DOCK1: variants seen among roughly 807,000 people sequenced by gnomAD.
DOCK1 encodes dedicator of cytokinesis 1.
Under a neutral mutation model 262.7 loss-of-function variants are expected in DOCK1, and 138 were observed. That is an observed-to-expected ratio of 0.53 (90% CI 0.46 to 0.61). DOCK1 has a LOEUF of 0.61. Ranked by LOEUF, DOCK1 falls within the 20% of genes least tolerant of loss-of-function variation. The pLI, the probability that DOCK1 is intolerant of heterozygous loss-of-function variation, is 0.00. For synonymous variants in DOCK1, 866 were observed against 867.4 expected, an observed-to-expected ratio of 1.00 and a Z score of 0.03; for missense variants, 1,908 against 2,370.7, an observed-to-expected ratio of 0.80 and a Z score of 4.05.
intron 29 of DOCK1, among the ~76,000 whole-genome samples, chr10:127,313,136 AC>A (rs2062127596): frequency 6.6e-6 from 1 of 151,820 alleles, no homozygotes; most frequent in Admixed American, 6.6e-5. Flanking sequence ...CACTCCAAAC[AC>A]CAGCTACTCT....
intron 27 of DOCK1, among the ~76,000 whole-genome samples, chr10:127,247,028 T>C (rs769813932): frequency 7.9e-5 from 12 of 152,200 alleles, no homozygotes; most frequent in African/African-American, 2.2e-4. Flanking sequence ...TTTACAATGT[T>C]GTTAGCTACA....
chr10:126,939,296 C>T (rs2034814821), intron 1 of DOCK1, among the ~76,000 whole-genome samples: 1 of 152,162 alleles, frequency 6.6e-6, no homozygotes, highest in Non-Finnish European at 1.5e-5. Context: ...TATTGAGTTT[C>T]AACACATGAA....
intron 27 of DOCK1, among the ~76,000 whole-genome samples, chr10:127,186,107 A>G (rs1458106014): frequency 6.6e-6 from 1 of 152,156 alleles, no homozygotes; most frequent in Admixed American, 6.5e-5. Flanking sequence ...AGGATGAATC[A>G]CTGGCTTTCA....
chr10:127,120,984 C>G (rs1042969478), intron 25 of DOCK1, among the ~76,000 whole-genome samples: 13 of 152,128 alleles, frequency 8.5e-5, no homozygotes, highest in African/African-American at 2.9e-4. Context: ...AACAGCATCC[C>G]CATTTTGCAC....
At chr10:127,167,825 C>G (rs1318285188) in intron 27 of DOCK1, among the ~76,000 whole-genome samples, 1 of 151,914 alleles carries the variant, frequency 6.6e-6, no homozygotes, top group Non-Finnish European at 1.5e-5. Flanking sequence ...ACCCCCCATC[C>G]CCAAAATACA....
At chr10:127,234,835 A>G (rs1034127216) in intron 27 of DOCK1, among the ~76,000 whole-genome samples, 2 of 151,410 alleles carry the variant, frequency 1.3e-5, no homozygotes, top group South Asian at 4.2e-4. Flanking sequence ...GAATCCTTTC[A>G]AATACAACAT....
At chr10:127,391,453 T>C (rs1413283139) in intron 38 of DOCK1, among the ~76,000 whole-genome samples, 1 of 152,180 alleles carries the variant, frequency 6.6e-6, no homozygotes, top group East Asian at 1.9e-4. Context: ...AGTTTTCCGA[T>C]ACCTATTTTA....
intron 27 of DOCK1, among the ~76,000 whole-genome samples, chr10:127,189,906 G>C (rs1270954582): frequency 6.6e-6 from 1 of 152,216 alleles, no homozygotes; most frequent in African/African-American, 2.4e-5. Context: ...GAGATCAATG[G>C]AGTTGAAGTC....
At chr10:127,066,220 C>G (rs1453727838) in intron 23 of DOCK1, among the ~76,000 whole-genome samples, 2 of 152,066 alleles carry the variant, frequency 1.3e-5, no homozygotes, top group Non-Finnish European at 2.9e-5. Context: ...GCCCCCGCCG[C>G]CCCCAGCTGC....
chr10:127,052,765 G>A lies in DOCK1; in HGVS notation c.2286G>A (p.Ala762=). Residue 762 remains alanine, a synonymous_variant, in exon 22 of 52, where the codon GCG becomes GCA. Coordinates refer to ENST00000623213, the MANE Select transcript of DOCK1 (RefSeq NM_001290223.2). ...AGCAGCTGTACAAAGCCATGAAAGCGCTAGAATCCATCTTCAAGTTCATCG... is the reference window on the plus strand; with the variant it reads ...AGCAGCTGTACAAAGCCATGAAAGCACTAGAATCCATCTTCAAGTTCATCG... ...VNEQLYKAMK[A]LESIFKFIVR... The A allele has an allele frequency of 1.9e-6, 3 of 1,613,916 alleles. No individual in the cohort carries two copies. The highest frequency in any genetic ancestry group is 2.5e-6 in the Non-Finnish European group (3 of 1,179,874).
At chr10:126,949,632 C>G (rs939599236) in intron 1 of DOCK1, among the ~76,000 whole-genome samples, 1 of 152,088 alleles carries the variant, frequency 6.6e-6, no homozygotes, top group East Asian at 1.9e-4. Context: ...TGTGCTATAA[C>G]TATAAATTCA....
rs1455971334 is a variant in DOCK1, at chr10:127,107,105, C to T, written c.2516+804C>T. 5.3e-5 allele frequency among the ~76,000 whole-genome samples: 8 copies of T among 152,210 alleles called. No homozygotes were observed. The East Asian group carries it at 1.4e-3, about 26-fold the overall frequency. ...TCAAAGCACTGGAATTACCGACGTGCGCCACCGCTCCCACCCCAGGGATGC... is the reference window on the plus strand; with the variant it reads ...TCAAAGCACTGGAATTACCGACGTGTGCCACCGCTCCCACCCCAGGGATGC... On this transcript the variant is annotated intron_variant, in intron 24 of 51. Coordinates refer to ENST00000623213, the MANE Select transcript of DOCK1 (RefSeq NM_001290223.2).
chr10:127,081,530 G>T (rs544592082), intron 23 of DOCK1, among the ~76,000 whole-genome samples: 1 of 152,060 alleles, frequency 6.6e-6, no homozygotes, highest in Non-Finnish European at 1.5e-5. Flanking sequence ...TGTGTTTCTT[G>T]TGTGTTTCTG....
At chr10:127,234,173 A>G (rs1235734698) in intron 27 of DOCK1, among the ~76,000 whole-genome samples, 1 of 152,204 alleles carries the variant, frequency 6.6e-6, no homozygotes, top group Non-Finnish European at 1.5e-5. Flanking sequence ...CATTACCGTG[A>G]TAGTGCGGCC....
At chr10:127,024,847 G>A in intron 15 of DOCK1, 64 bp downstream of exon 15, 1 of 1,391,440 alleles carries the variant, frequency 7.2e-7, no homozygotes, top group East Asian at 2.5e-5. Flanking sequence ...TGTAACCCAA[G>A]GAAACATCCT....
intron 23 of DOCK1, among the ~76,000 whole-genome samples, chr10:127,065,457 C>T (rs2045807336): frequency 6.6e-6 from 1 of 152,106 alleles, no homozygotes; most frequent in Non-Finnish European, 1.5e-5. Context: ...GATAGAGGCT[C>T]GGCCTGTTCC....
intron 32 of DOCK1, among the ~76,000 whole-genome samples, 173 bp from the exon 33 acceptor site, chr10:127,361,890 AC>A (rs1317629313): frequency 3.3e-5 from 5 of 152,248 alleles, no homozygotes; most frequent in African/African-American, 1.2e-4. Context: ...CACTTCTTAT[AC>A]TAATGGCTGG....
chr10:127,138,254 T>C (rs553314890), intron 27 of DOCK1, among the ~76,000 whole-genome samples: 48 of 152,352 alleles, frequency 3.2e-4, no homozygotes, highest in Middle Eastern at 6.8e-3. Context: ...TCTTTAATAT[T>C]GTGTTAATGT....
chr10:127,176,655 A>G lies in DOCK1; in HGVS notation c.2847+48891A>G, dbSNP rs1359249999. On this transcript the variant is annotated intron_variant, in intron 27 of 51. Coordinates refer to ENST00000623213, the MANE Select transcript of DOCK1 (RefSeq NM_001290223.2). This position sits in a 1 kb window ranked among gnomAD's most constrained non-coding sequence, Gnocchi z 4.4. Reference sequence around the variant, plus strand: ...CTCGCTTTCCTTTTGACAGTAATGCATGTTTCCCCATTAGACAAACCTGTT... The same window carrying G: ...CTCGCTTTCCTTTTGACAGTAATGCGTGTTTCCCCATTAGACAAACCTGTT... Among the ~76,000 whole-genome samples, 1 of 152,188 alleles carries G rather than the reference A, an allele frequency of 6.6e-6. No homozygotes were observed. The highest frequency in any genetic ancestry group is 1.9e-4 in the East Asian group (1 of 5,198).
Sources: allele counts gnomAD v4.1 joint callset (sites outside exome capture counted in the v4.1 genomes callset), GRCh38; gene constraint gnomAD v4.1.1; non-coding constraint Gnocchi (gnomAD v3.1); transcripts MANE v1.5; gene names NCBI Gene and HGNC (gene_info 2026-07-23, HGNC 2026-07-21).